PRKAG2: variants seen among roughly 807,000 people sequenced by gnomAD.
PRKAG2 encodes the protein 5'-AMP-activated protein kinase subunit gamma-2.
In PRKAG2, 26 loss-of-function variants were observed where a neutral mutation model predicts 69.6. The ratio of observed to expected loss-of-function variants is 0.37; its 90% CI spans 0.27 to 0.52. The LOEUF is 0.52. Ranked by LOEUF, PRKAG2 falls within the 20% of genes least tolerant of loss-of-function variation. The pLI, the probability that PRKAG2 is intolerant of heterozygous loss-of-function variation, is 0.90. For synonymous variants in PRKAG2, 293 were observed against 285.0 expected, an observed-to-expected ratio of 1.03 and a Z score of -0.28; for missense variants, 557 against 740.0, an observed-to-expected ratio of 0.75 and a Z score of 2.87.
chr7:151,789,100 C>G (rs960614223), intron 1 of PRKAG2, among the ~76,000 whole-genome samples: 3 of 151,992 alleles, frequency 2.0e-5, no homozygotes, highest in African/African-American at 7.2e-5. Context: ...CAACTTTGTT[C>G]TTCTTTTTTT....
At chr7:151,595,667 A>C (rs1396925051) in intron 5 of PRKAG2, among the ~76,000 whole-genome samples, 10 of 152,228 alleles carry the variant, frequency 6.6e-5, no homozygotes, top group Non-Finnish European at 1.2e-4. Context: ...AAGAGAAAAA[A>C]ATGAAAGGCA....
chr7:151,725,571 A>AG (rs1286151294), intron 3 of PRKAG2, among the ~76,000 whole-genome samples: 1 of 152,138 alleles, frequency 6.6e-6, no homozygotes, highest in East Asian at 1.9e-4. Flanking sequence ...AAAAAAAAAA[A>AG]AAGAGCCAGG....
chr7:151,709,494 G>A (rs1839192527), intron 3 of PRKAG2, among the ~76,000 whole-genome samples: 1 of 152,124 alleles, frequency 6.6e-6, no homozygotes, highest in Non-Finnish European at 1.5e-5. Flanking sequence ...GTGACATTAT[G>A]TGTCTGTGAC....
chr7:151,785,438 C>T (rs2076954218), intron 2 of PRKAG2, among the ~76,000 whole-genome samples: 3 of 152,236 alleles, frequency 2.0e-5, no homozygotes, highest in Admixed American at 1.3e-4. Context: ...GCAGTCTTTG[C>T]TGGATGGGCC....
intron 3 of PRKAG2, among the ~76,000 whole-genome samples, chr7:151,716,627 C>T (rs1796230726): frequency 6.6e-6 from 1 of 152,018 alleles, no homozygotes; most frequent in Non-Finnish European, 1.5e-5. Context: ...CACTGTTGCC[C>T]CATTCTGTAG....
chr7:151,556,280 C>G lies in PRKAG2; in HGVS notation c.*921G>C, dbSNP rs1010150899. ...GTTTCTCTTCAACTGTATGACAATA[C>G]TGTATATGCCACAATAAAATTTACA... On this transcript the variant is annotated 3_prime_UTR_variant, in exon 16 of 16. Transcript: ENST00000287878. 6.6e-6 allele frequency: 1 copy of G among 152,410 alleles called. No homozygotes were observed. Among genetic ancestry groups the G allele is most frequent in the Non-Finnish European group, 1.5e-5 (1 of 68,022 alleles). 9.4% of individuals were successfully genotyped at this position (152,410 alleles called of 1,614,324 possible).
At chr7:151,725,753 G>T (rs193278458) in intron 3 of PRKAG2, among the ~76,000 whole-genome samples, 2 of 152,074 alleles carry the variant, frequency 1.3e-5, no homozygotes, top group Non-Finnish European at 2.9e-5. Context: ...CTCAGCACCC[G>T]GGGCCCCCAG....
intron 3 of PRKAG2, among the ~76,000 whole-genome samples, chr7:151,681,238 T>C (rs559530313): frequency 6.6e-6 from 1 of 152,134 alleles, no homozygotes. Flanking sequence ...GACTGTTCAT[T>C]TGGGGGTGGG....
intron 1 of PRKAG2, among the ~76,000 whole-genome samples, chr7:151,840,838 T>C (rs761120345): frequency 6.6e-6 from 1 of 152,198 alleles, no homozygotes; most frequent in Non-Finnish European, 1.5e-5. Context: ...ATGTTGTTAG[T>C]TTAAGAATAT....
At chr7:151,664,836 G>A (rs777334482) in intron 4 of PRKAG2, among the ~76,000 whole-genome samples, 10 of 152,184 alleles carry the variant, frequency 6.6e-5, no homozygotes, top group African/African-American at 2.4e-4. Flanking sequence ...GTGAAGGCAG[G>A]GTTGCCTCTC....
rs1479294083 is a variant in PRKAG2, at chr7:151,675,414, A to G, written c.684+6T>C. ...CAGCCCCACCCACAGAAGGGCCCAG[A>G]CTTACGGCTTTGGAGGGAGCATAGT... On this transcript the variant is annotated splice_donor_region_variant and intron_variant, in intron 4 of 15. Transcript: ENST00000287878. The G allele has an allele frequency of 6.2e-7, 1 of 1,613,190 alleles. No individual in the cohort carries two copies. The highest frequency in any genetic ancestry group is 8.5e-7 in the Non-Finnish European group (1 of 1,179,392).
At chr7:151,656,479 C>A (rs1039618819) in intron 4 of PRKAG2, among the ~76,000 whole-genome samples, 1 of 152,168 alleles carries the variant, frequency 6.6e-6, no homozygotes, top group Non-Finnish European at 1.5e-5. Context: ...TCGCTTGAAT[C>A]CAGGAGGTGG....
intron 5 of PRKAG2, among the ~76,000 whole-genome samples, chr7:151,605,535 G>A (rs1201092184): frequency 6.6e-6 from 1 of 150,598 alleles, no homozygotes; most frequent in East Asian, 2.0e-4. Flanking sequence ...CCAGGAGTTT[G>A]AGACTATCCT....
At chr7:151,722,830 G>A (rs1218595901) in intron 3 of PRKAG2, among the ~76,000 whole-genome samples, 3 of 151,988 alleles carry the variant, frequency 2.0e-5, no homozygotes, top group African/African-American at 4.8e-5. Flanking sequence ...GCACAGGCCC[G>A]GCAGGTCCCC....
In PRKAG2 at chr7:151,641,244, C is replaced by CTTTTTTTTTTTTTTT. The variant is rs374667332; in HGVS notation, c.685-9121_685-9107dup. Reference sequence around the variant, plus strand: ...AGCTTTTTTGTTCCCTTCTTTTTTCCTTTTTTTTTTTTTTTTTTTTTTGAG... The same window carrying CTTTTTTTTTTTTTTT: ...AGCTTTTTTGTTCCCTTCTTTTTTCCTTTTTTTTTTTTTTTTTTTTTTTTTTTTTTTTTTTTTGAG... On this transcript the variant is annotated intron_variant, in intron 4 of 15. Transcript: ENST00000287878. Among the ~76,000 whole-genome samples, 6 of 105,684 alleles carry CTTTTTTTTTTTTTTT rather than the reference C, an allele frequency of 5.7e-5. 1 individual carries two copies. In the East Asian group the frequency reaches 1.1e-3, roughly 19 times the overall value. 69.3% of individuals were successfully genotyped at this position (105,684 alleles called of 152,430 possible).
intron 6 of PRKAG2, among the ~76,000 whole-genome samples, chr7:151,595,094 G>C (rs1814137030): frequency 1.3e-5 from 2 of 152,122 alleles, no homozygotes; most frequent in Admixed American, 1.3e-4. Flanking sequence ...CACTGCACCT[G>C]GCCAAAGCTT....
intron 3 of PRKAG2, among the ~76,000 whole-genome samples, chr7:151,693,009 A>T (rs1279534930): frequency 6.6e-6 from 1 of 152,028 alleles, no homozygotes; most frequent in Non-Finnish European, 1.5e-5. Flanking sequence ...TGCTGTTGGG[A>T]GAAGGGGAGG....
Position 151,756,279 on chromosome 7 carries a change from A to T in PRKAG2, c.466+24873T>A, listed in dbSNP as rs1054838318. 6.6e-6 allele frequency among the ~76,000 whole-genome samples: 1 copy of T among 152,148 alleles called. No individual in the cohort carries two copies. Among genetic ancestry groups the T allele is most frequent in the African/African-American group, 2.4e-5 (1 of 41,434 alleles). ...ACCACACACGTGACTGCAACGAAGG[A>T]AGTGTGGGTTCCTTTTAACGTAGGA... On this transcript the variant is annotated intron_variant, in intron 3 of 15. Coordinates refer to ENST00000287878, the MANE Select transcript of PRKAG2 (RefSeq NM_016203.4). The surrounding 1 kb of genome is among the most constrained non-coding windows in gnomAD (Gnocchi z 4.9).
intron 1 of PRKAG2, among the ~76,000 whole-genome samples, chr7:151,799,156 G>A (rs1479057328): frequency 6.6e-6 from 1 of 152,166 alleles, no homozygotes. Context: ...GGATGGAAAT[G>A]GCCTCAGAAA....
Sources: allele counts gnomAD v4.1 joint callset (sites outside exome capture counted in the v4.1 genomes callset), GRCh38; gene constraint gnomAD v4.1.1; non-coding constraint Gnocchi (gnomAD v3.1); transcripts MANE v1.5; gene names NCBI Gene and HGNC (gene_info 2026-07-23, HGNC 2026-07-21).